PRPH: variants seen among roughly 807,000 people sequenced by gnomAD.
PRPH encodes the protein peripherin, also known as neurofilament 4 (57kD).
Under a neutral mutation model 52.6 loss-of-function variants are expected in PRPH, and 48 were observed. The observed-to-expected ratio is 0.91, with a 90% CI of 0.72 to 1.16. The LOEUF is 1.16. PRPH is among the 50% of genes most tolerant of loss of function. PRPH has a pLI of 0.00. For missense variants in PRPH, 579 were observed against 635.7 expected (o/e 0.91, Z 0.96); for synonymous variants, 279 against 283.8 (o/e 0.98, Z 0.17).
chr12:49,295,362 G>C lies in PRPH; in HGVS notation c.162G>C (p.Ser54=), dbSNP rs1205187837. The C allele has an allele frequency of 6.2e-7, 1 of 1,609,578 alleles. No homozygotes were observed. Among genetic ancestry groups the C allele is most frequent in the Non-Finnish European group, 8.5e-7 (1 of 1,178,914 alleles). ...TGGGCTCCGCGTCCCCGAGCTCCTC[G>C]GTGCGCCTGGGCAGCTTCCGTAGCC... ...RLLGSASPSS[S]VRLGSFRSPR... is the part of the protein sequence containing the mutation. The change falls in exon 1 of 9, where the codon TCG becomes TCC. Residue 54 remains serine (S), a synonymous_variant. Transcript: ENST00000257860.
chr12:49,298,242 G>C, intron 8 of PRPH, 46 bp from the exon 9 acceptor site: 1 of 1,610,318 alleles, frequency 6.2e-7, no homozygotes, highest in Non-Finnish European at 8.5e-7. Flanking sequence ...AGGATGGAGG[G>C]TGGCGCTGAA....
In PRPH at chr12:49,295,147, C is replaced by CT. The variant is rs1478734309; in HGVS notation, c.-52dup. The CT allele has an allele frequency of 8.9e-6, 14 of 1,580,862 alleles. No homozygotes were observed. Among genetic ancestry groups the CT allele is most frequent in the Admixed American group, 1.8e-5 (1 of 56,866 alleles). ...GCCGCCTCGCAGCGGTCTGCGGCTC[C>CT]TTCCCAGCCCCCGGCCTAGCTCTGC... On this transcript the variant is annotated 5_prime_UTR_variant, in exon 1 of 9. Coordinates refer to ENST00000257860, the MANE Select transcript of PRPH (RefSeq NM_006262.4).
In PRPH at chr12:49,296,783, G is replaced by T; in HGVS notation, c.703-106G>T. 1 of 1,503,094 alleles carries T rather than the reference G, an allele frequency of 6.7e-7. No individual in the cohort carries two copies. The highest frequency in any genetic ancestry group is 9.0e-7 in the Non-Finnish European group (1 of 1,113,000). The allele number at this position is 1,503,094 out of a possible 1,614,324, so 93.1% of individuals were successfully genotyped here. A position where few individuals can be genotyped will look rare whatever the true frequency, so the allele number is the denominator to read the frequency against. On this transcript the variant is annotated intron_variant, in intron 3 of 8. Coordinates refer to ENST00000257860, the MANE Select transcript of PRPH (RefSeq NM_006262.4). The surrounding 1 kb of genome is among the most constrained non-coding windows in gnomAD (Gnocchi z 5.1). Reference sequence around the variant, plus strand: ...GGCTGTACGCCCTGCCCTCCCTGGCGCCCACTTCTGTTCGTTCAAGCGTTT... The same window carrying T: ...GGCTGTACGCCCTGCCCTCCCTGGCTCCCACTTCTGTTCGTTCAAGCGTTT...
rs1297961039 is a variant in PRPH at position 49,296,766 on chromosome 12, G to T, written c.703-123G>T. 1 of 1,444,626 alleles carries T rather than the reference G, an allele frequency of 6.9e-7. No homozygotes were observed. The highest frequency in any genetic ancestry group is 1.4e-5 in the African/African-American group (1 of 70,932). 89.5% of individuals were successfully genotyped at this position (1,444,626 alleles called of 1,614,324 possible). ...CGCCCGCGGGGGCGCAGGGCTGTAC[G>T]CCCTGCCCTCCCTGGCGCCCACTTC... On this transcript the variant is annotated intron_variant, in intron 3 of 8. Transcript: ENST00000257860. This position sits in a 1 kb window ranked among gnomAD's most constrained non-coding sequence, Gnocchi z 5.1.
At position 49,296,208 on chromosome 12, in the gene PRPH, C is replaced by T. The variant is rs751432262; in HGVS notation, c.576C>T (p.Asp192=). 18 of 1,613,018 alleles carry T rather than the reference C, an allele frequency of 1.1e-5. No homozygotes were observed. Among genetic ancestry groups the T allele is most frequent in the Middle Eastern group, 1.7e-4 (1 of 5,744 alleles). ...AGGAGGAGACGCGCAAGCGGGAGGA[C>T]GCGGAGCACAACCTCGTGCTCTTCC... The part of the protein sequence containing the change: ...RLEEETRKRE[D]AEHNLVLFRK... The change falls in exon 2 of 9, where the codon GAC becomes GAT. Residue 192 remains aspartate (D), a synonymous_variant. Transcript: ENST00000257860. The surrounding 1 kb of genome is among the most constrained non-coding windows in gnomAD (Gnocchi z 5.1).
At position 49,297,173 on chromosome 12, in the gene PRPH, A is replaced by G. The variant is rs1301844517; in HGVS notation, c.896A>G (p.Asn299Ser). The G allele has an allele frequency of 1.2e-6, 2 of 1,613,884 alleles. No individual in the cohort carries two copies. The highest frequency in any genetic ancestry group is 3.3e-5 in the Admixed American group (2 of 60,002). ...SKYADLSDAA[N>S]RNHEALRQAK... ...TACGCGGACCTGTCCGACGCTGCCA[A>G]CCGGAACCACGAGGCCCTGCGCCAG... The change falls in exon 5 of 9, where the codon AAC becomes AGC. Residue 299 changes from asparagine (N) to serine (S), a missense_variant. Asn to Ser is a conservative substitution (Grantham distance 46). Transcript: ENST00000257860. This position sits in a 1 kb window ranked among gnomAD's most constrained non-coding sequence, Gnocchi z 4.4.
chr12:49,296,177 G>A lies in PRPH; in HGVS notation c.546-1G>A. ...CAGCCTCTGCACGCTCTTCCCGTCA[G>A]GTTGGAGGAGGAGACGCGCAAGCGG... On this transcript the variant is annotated splice_acceptor_variant, in intron 1 of 8. Coordinates refer to ENST00000257860, the MANE Select transcript of PRPH (RefSeq NM_006262.4). LOFTEE classifies it high-confidence loss of function. This position sits in a 1 kb window ranked among gnomAD's most constrained non-coding sequence, Gnocchi z 5.1. 3 of 1,612,044 alleles carry A rather than the reference G, an allele frequency of 1.9e-6. No individual in the cohort carries two copies. The highest frequency in any genetic ancestry group is 2.2e-5 in the East Asian group (1 of 44,874).
In PRPH at chr12:49,298,496, T is replaced by C; in HGVS notation, c.*143T>C. Reference sequence around the variant, plus strand: ...CCTTTCCTGGCTTATGGCCAAGCCCTACCCGGCCAGCAGTCGCTGGGCCTC... The same window carrying C: ...CCTTTCCTGGCTTATGGCCAAGCCCCACCCGGCCAGCAGTCGCTGGGCCTC... On this transcript the variant is annotated 3_prime_UTR_variant, in exon 9 of 9. Transcript: ENST00000257860. 1 of 868,746 alleles carries C rather than the reference T, an allele frequency of 1.2e-6. No individual in the cohort carries two copies. The highest frequency in any genetic ancestry group is 1.8e-6 in the Non-Finnish European group (1 of 545,354). 53.8% of individuals were successfully genotyped at this position (868,746 alleles called of 1,614,324 possible).
chr12:49,296,902 T>G lies in PRPH; in HGVS notation c.716T>G (p.Leu239Arg). ...TCCCGGCCGTAGGAGCTGCGAGACC[T>G]GCAGGTGAGTGTGGAGAGCCAGCAG... is the stretch of plus-strand genomic sequence containing the variant. Reference protein sequence around the residue: ...KKLHEEELRDLQVSVESQQVQ... With the variant: ...KKLHEEELRDRQVSVESQQVQ... The change falls in exon 4 of 9, where the codon CTG becomes CGG. Residue 239 changes from leucine to arginine, a missense_variant. By Grantham distance (102) the Leu-to-Arg change is moderately radical. Transcript: ENST00000257860. This position sits in a 1 kb window ranked among gnomAD's most constrained non-coding sequence, Gnocchi z 5.1. 1 of 1,612,156 alleles carries G rather than the reference T, an allele frequency of 6.2e-7. No homozygotes were observed. Among genetic ancestry groups the G allele is most frequent in the Non-Finnish European group, 8.5e-7 (1 of 1,179,490 alleles).
chr12:49,297,736 G>C lies in PRPH; in HGVS notation c.1267+10G>C. ...AATATAAAGACGACTGGTGAGTCTG[G>C]CTTACAGCCTGTACCTCTCCTTGTC... On this transcript the variant is annotated intron_variant, in intron 7 of 8. Coordinates refer to ENST00000257860, the MANE Select transcript of PRPH (RefSeq NM_006262.4). This position sits in a 1 kb window ranked among gnomAD's most constrained non-coding sequence, Gnocchi z 4.4. The C allele has an allele frequency of 6.2e-7, 1 of 1,610,914 alleles. No homozygotes were observed. Among genetic ancestry groups the C allele is most frequent in the Non-Finnish European group, 8.5e-7 (1 of 1,177,812 alleles).
At position 49,295,770 on chromosome 12, in the gene PRPH, G is replaced by A; in HGVS notation, c.545+25G>A. On this transcript the variant is annotated intron_variant, in intron 1 of 8. Coordinates refer to ENST00000257860, the MANE Select transcript of PRPH (RefSeq NM_006262.4). ...GGTCAGGGGGCAGGGCTGGGCCGCT[G>A]CCGTCGAGGCGAGGTCGAAGCGGCC... 2.1e-6 allele frequency: 3 copies of A among 1,457,018 alleles called. No individual in the cohort carries two copies. In the South Asian group the frequency reaches 4.2e-5, roughly 21 times the overall value. The allele number at this position is 1,457,018 out of a possible 1,614,324, so 90.3% of individuals were successfully genotyped here. A position where few individuals can be genotyped will look rare whatever the true frequency, so the allele number is the denominator to read the frequency against.
Position 49,296,675 on chromosome 12 carries a change from C to A in PRPH, c.702+148C>A. ...ACCCTAGTCTACAGGTGGTTAGACT[C>A]CCACCCTTGCGCCACCTGGCGGCGG... On this transcript the variant is annotated intron_variant, in intron 3 of 8. Coordinates refer to ENST00000257860, the MANE Select transcript of PRPH (RefSeq NM_006262.4). This position sits in a 1 kb window ranked among gnomAD's most constrained non-coding sequence, Gnocchi z 5.1. The A allele has an allele frequency of 1.8e-6, 2 of 1,094,734 alleles. No individual in the cohort carries two copies. Among genetic ancestry groups the A allele is most frequent in the Non-Finnish European group, 2.7e-6 (2 of 750,070 alleles). The allele number at this position is 1,094,734 out of a possible 1,614,324, so 67.8% of individuals were successfully genotyped here.
rs1363824641 is a variant in PRPH, at chr12:49,295,752, G to T, written c.545+7G>T. On this transcript the variant is annotated splice_region_variant and intron_variant, in intron 1 of 8. Coordinates refer to ENST00000257860, the MANE Select transcript of PRPH (RefSeq NM_006262.4). ...TGGCGGCGCTCAAGCAGAGGTCAGG[G>T]GGCAGGGCTGGGCCGCTGCCGTCGA... The T allele has an allele frequency of 6.8e-7, 1 of 1,469,880 alleles. No individual in the cohort carries two copies. Among genetic ancestry groups the T allele is most frequent in the African/African-American group, 1.4e-5 (1 of 70,234 alleles). 91.1% of individuals were successfully genotyped at this position (1,469,880 alleles called of 1,614,324 possible). A position where few individuals can be genotyped will look rare whatever the true frequency, so the allele number is the denominator to read the frequency against.
At position 49,297,230 on chromosome 12, in the gene PRPH, A is replaced by G. The variant is rs1943195093; in HGVS notation, c.953A>G (p.Gln318Arg). ...AKQEMNESRRQIQSLTCEVDG... is the reference protein window; with the variant it reads ...AKQEMNESRRRIQSLTCEVDG... The stretch of plus-strand genomic sequence containing the variant: ...CAGGAGATGAACGAGTCCCGACGCC[A>G]GATCCAGAGTCTAACGTGCGAGGTG... The change falls in exon 5 of 9, where the codon CAG (glutamine) becomes CGG (arginine). Residue 318 changes from glutamine to arginine, a missense_variant. Physicochemically the swap from Gln to Arg is conservative, Grantham distance 43. Coordinates refer to ENST00000257860, the MANE Select transcript of PRPH (RefSeq NM_006262.4). This position sits in a 1 kb window ranked among gnomAD's most constrained non-coding sequence, Gnocchi z 4.4. 1 of 1,613,948 alleles carries G rather than the reference A, an allele frequency of 6.2e-7. No homozygotes were observed. The highest frequency in any genetic ancestry group is 1.3e-5 in the African/African-American group (1 of 74,910).
chr12:49,296,597 G>T lies in PRPH; in HGVS notation c.702+70G>T. 1 of 1,439,862 alleles carries T rather than the reference G, an allele frequency of 6.9e-7. No homozygotes were observed. 89.2% of individuals were successfully genotyped at this position (1,439,862 alleles called of 1,614,324 possible). ...GGTCTCGCTGGAGCTGGCGGGTGGA[G>T]CGGAGGCATCGCCCTGGGGATCAGG... On this transcript the variant is annotated intron_variant, in intron 3 of 8. Transcript: ENST00000257860. The surrounding 1 kb of genome is among the most constrained non-coding windows in gnomAD (Gnocchi z 5.1).
Position 49,295,272 on chromosome 12 carries a change from G to T in PRPH, c.72G>T (p.Pro24=). The T allele has an allele frequency of 6.2e-7, 1 of 1,611,808 alleles. No homozygotes were observed. Residue 24 remains proline (P), a synonymous_variant, in exon 1 of 9, where the codon CCG becomes CCT. Coordinates refer to ENST00000257860, the MANE Select transcript of PRPH (RefSeq NM_006262.4). Reference sequence around the variant, plus strand: ...CATACCGCCGTACCTTCGGTCCACCGCCCTCACTATCCCCCGGGGCCTTCT... The same window carrying T: ...CATACCGCCGTACCTTCGGTCCACCTCCCTCACTATCCCCCGGGGCCTTCT... ...STSYRRTFGP[P]PSLSPGAFSY...
Position 49,298,554 on chromosome 12 carries a change from C to T in PRPH, c.*201C>T, listed in dbSNP as rs1399195189. Reference sequence around the variant, plus strand: ...CCTGACACTTGATGTGACCTATGTGCTTCCCTTTTCATGTCCCGATAAGAA... The same window carrying T: ...CCTGACACTTGATGTGACCTATGTGTTTCCCTTTTCATGTCCCGATAAGAA... On this transcript the variant is annotated 3_prime_UTR_variant, in exon 9 of 9. Transcript: ENST00000257860. 1.7e-6 allele frequency: 1 copy of T among 597,582 alleles called. No individual in the cohort carries two copies. Among genetic ancestry groups the T allele is most frequent in the East Asian group, 2.8e-5 (1 of 35,426 alleles). 37.0% of individuals were successfully genotyped at this position (597,582 alleles called of 1,614,324 possible).
chr12:49,297,404 C>T lies in PRPH; in HGVS notation c.1044C>T (p.Ala348=). ...RQLRELEEQF[A]LEAGGYQAGA... ...TGAGAGAGCTGGAGGAGCAGTTCGCCCTGGAGGCGGGGGGCTACCAGGCGG... is the reference window on the plus strand; with the variant it reads ...TGAGAGAGCTGGAGGAGCAGTTCGCTCTGGAGGCGGGGGGCTACCAGGCGG... The change falls in exon 6 of 9, where the codon GCC becomes GCT. Residue 348 remains alanine (A), a synonymous_variant. Transcript: ENST00000257860. This position sits in a 1 kb window ranked among gnomAD's most constrained non-coding sequence, Gnocchi z 4.4. The T allele has an allele frequency of 6.2e-7, 1 of 1,613,450 alleles. No homozygotes were observed. The highest frequency in any genetic ancestry group is 8.5e-7 in the Non-Finnish European group (1 of 1,179,906).
Position 49,298,392 on chromosome 12 carries a change from C to G in PRPH, c.*39C>G, listed in dbSNP as rs780833967. ...GAGCCTTGACTCTGCCCTAGGCCTG[C>G]TCAAAGCCCAAACCCTAAGACCACT... On this transcript the variant is annotated 3_prime_UTR_variant, in exon 9 of 9. Transcript: ENST00000257860. The G allele has an allele frequency of 1.1e-5, 17 of 1,607,044 alleles. No individual in the cohort carries two copies. Among genetic ancestry groups the G allele is most frequent in the Middle Eastern group, 3.3e-4 (2 of 6,074 alleles).
Sources: gnomAD v4.1 joint callset for allele counts on GRCh38, gnomAD v4.1.1 for gene constraint, Gnocchi (gnomAD v3.1) non-coding constraint, MANE v1.5 for transcripts, NCBI Gene and HGNC (gene_info 2026-07-23, HGNC 2026-07-21) for gene names.